TIAM1: variants seen among roughly 807,000 people sequenced by gnomAD.
TIAM1 encodes the protein rho guanine nucleotide exchange factor TIAM1.
Under a neutral mutation model 163.5 loss-of-function variants are expected in TIAM1, and 65 were observed. The ratio of observed to expected loss-of-function variants is 0.40; its 90% CI spans 0.33 to 0.49. The LOEUF (loss-of-function observed/expected upper bound fraction) is 0.49. Among genes scored for constraint, TIAM1 ranks in the 20% least tolerant of loss-of-function variants. The pLI, the probability that TIAM1 is intolerant of heterozygous loss-of-function variation, is 0.77. For synonymous variants in TIAM1, 833 were observed against 810.1 expected (o/e 1.03, Z -0.48); for missense variants, 1,789 against 2,044.7 (o/e 0.87, Z 2.41).
intron 2 of TIAM1, among the ~76,000 whole-genome samples, chr21:31,329,531 T>C (rs1158149559): frequency 6.8e-6 from 1 of 147,982 alleles, no homozygotes; most frequent in Non-Finnish European, 1.5e-5. Context: ...CCACCCTTGA[T>C]GCAGGAAAGT....
upstream of TIAM1, chr21:31,559,016 G>GGAGCTGCA (rs1430730071): frequency 1.3e-5 from 2 of 151,728 alleles, no homozygotes; most frequent in African/African-American, 2.4e-5. Context: ...AGGCGTCCGC[G>GGAGCTGCA]GAGCTGCAGA....
intron 1 of TIAM1, among the ~76,000 whole-genome samples, chr21:31,494,382 A>G (rs569202230): frequency 3.3e-5 from 5 of 152,300 alleles, no homozygotes; most frequent in Admixed American, 6.5e-5. Context: ...CCTATTTCCA[A>G]TGAAGAATCC....
chr21:31,403,748 G>A (rs1467138001), intron 2 of TIAM1, among the ~76,000 whole-genome samples: 1 of 152,120 alleles, frequency 6.6e-6, no homozygotes, highest in Non-Finnish European at 1.5e-5. Context: ...AGAATAGAGA[G>A]ATCCCTTCTG....
intron 4 of TIAM1, among the ~76,000 whole-genome samples, chr21:31,254,708 C>G (rs566663733): frequency 4.6e-5 from 7 of 152,236 alleles, no homozygotes; most frequent in African/African-American, 1.7e-4. Context: ...TGTCTCAAAA[C>G]AAAACAAACA....
At chr21:31,188,906 C>A (rs1053288309) in intron 13 of TIAM1, among the ~76,000 whole-genome samples, 1 of 151,918 alleles carries the variant, frequency 6.6e-6, no homozygotes, top group Admixed American at 6.6e-5. Context: ...ATTAGCACCC[C>A]TGTGGGGTAC....
At chr21:31,208,842 A>C (rs1054220645) in intron 11 of TIAM1, among the ~76,000 whole-genome samples, 18 of 152,182 alleles carry the variant, frequency 1.2e-4, no homozygotes, top group Non-Finnish European at 8.8e-5. Flanking sequence ...TTGCGGAGGT[A>C]GTGAAAGTCA....
At chr21:31,457,529 T>C (rs987028249) in intron 2 of TIAM1, among the ~76,000 whole-genome samples, 7 of 152,124 alleles carry the variant, frequency 4.6e-5, no homozygotes, top group Admixed American at 4.6e-4. Context: ...AGATATTTCA[T>C]AAATGACAAA....
chr21:31,307,307 G>A (rs1275275366), intron 2 of TIAM1, among the ~76,000 whole-genome samples: 2 of 152,174 alleles, frequency 1.3e-5, no homozygotes, highest in East Asian at 1.9e-4. Context: ...AGCAGGTTGT[G>A]CAAATTCAGG....
At chr21:31,460,671 T>G (rs1429449217) in intron 2 of TIAM1, among the ~76,000 whole-genome samples, 3 of 152,192 alleles carry the variant, frequency 2.0e-5, no homozygotes, top group Non-Finnish European at 2.9e-5. Flanking sequence ...AGAACAAGTA[T>G]AGACATCCCC....
intron 12 of TIAM1, among the ~76,000 whole-genome samples, chr21:31,201,322 A>G (rs2086189365): frequency 1.3e-5 from 2 of 152,218 alleles, no homozygotes; most frequent in South Asian, 4.1e-4. Flanking sequence ...CCTCTCTGTT[A>G]AATGTACTGA....
intron 1 of TIAM1, among the ~76,000 whole-genome samples, chr21:31,469,460 T>C: frequency 6.6e-6 from 1 of 152,094 alleles, no homozygotes; most frequent in Middle Eastern, 3.2e-3. Context: ...CTGTCACCTG[T>C]GAGTGTGCGA....
intron 3 of TIAM1, among the ~76,000 whole-genome samples, chr21:31,270,689 C>T (rs1329409944): frequency 6.6e-6 from 1 of 152,234 alleles, no homozygotes; most frequent in Non-Finnish European, 1.5e-5. Context: ...CAAATTCATA[C>T]ACTTTCTTAA....
At chr21:31,459,816 T>C (rs2045256474) in intron 2 of TIAM1, among the ~76,000 whole-genome samples, 1 of 152,144 alleles carries the variant, frequency 6.6e-6, no homozygotes, top group Admixed American at 6.5e-5. Flanking sequence ...TGGTATACTC[T>C]CTCTCATATT....
At chr21:31,548,662 A>T (rs994345411) in intron 1 of TIAM1, among the ~76,000 whole-genome samples, 3 of 143,166 alleles carry the variant, frequency 2.1e-5, no homozygotes, top group African/African-American at 7.8e-5. Context: ...TAATTTTTGT[A>T]TTTTTTTCTA....
At chr21:31,280,828 G>A (rs529417119) in intron 2 of TIAM1, among the ~76,000 whole-genome samples, 1 of 139,010 alleles carries the variant, frequency 7.2e-6, no homozygotes, top group South Asian at 2.7e-4. Context: ...GGGTGGGGGG[G>A]CAGGGGACAG....
At chr21:31,305,602 AACGGCCAGTTGCTGAGAGAAAAGTGATT>A (rs2074678024) in intron 2 of TIAM1, among the ~76,000 whole-genome samples, 1 of 152,136 alleles carries the variant, frequency 6.6e-6, no homozygotes, top group South Asian at 2.1e-4. Flanking sequence ...AAATTTTATC[AACGGCCAGTTGCTGAGAGAAAAGTGATT>A]ACGACATTTT....
chr21:31,288,345 C>A (rs960442532), intron 2 of TIAM1, among the ~76,000 whole-genome samples: 6 of 152,182 alleles, frequency 3.9e-5, no homozygotes, highest in Non-Finnish European at 7.3e-5. Context: ...ACAGAAATTT[C>A]TTGCTCACAG....
At chr21:31,451,535 G>C (rs2044839947) in intron 2 of TIAM1, among the ~76,000 whole-genome samples, 1 of 152,170 alleles carries the variant, frequency 6.6e-6, no homozygotes, top group Admixed American at 6.5e-5. Context: ...GTAGTTCAGA[G>C]AAAGAGCAAA....
intron 4 of TIAM1, among the ~76,000 whole-genome samples, chr21:31,262,444 A>C (rs558041685): frequency 1.3e-5 from 2 of 152,344 alleles, no homozygotes; most frequent in South Asian, 4.1e-4. Flanking sequence ...CAACAGAAAT[A>C]AATTCTGCTT....
Sources: gnomAD v4.1 joint callset for allele counts (sites outside exome capture counted in the v4.1 genomes callset) on GRCh38, gnomAD v4.1.1 for gene constraint, MANE v1.5 for transcripts, NCBI Gene and HGNC (gene_info 2026-07-23, HGNC 2026-07-21) for gene names.